Variants in MEGF11 observed in about 807,000 individuals in gnomAD.
The protein encoded by MEGF11 is multiple epidermal growth factor-like domains protein 11.
In MEGF11, 126 loss-of-function variants were observed where a neutral mutation model predicts 146.6. That is an observed-to-expected ratio of 0.86 (90% CI 0.74 to 1.00). The LOEUF (loss-of-function observed/expected upper bound fraction) is 1.00. Among genes scored for constraint, MEGF11 ranks in the 50% least tolerant of loss-of-function variants. MEGF11 has a pLI of 0.00. For synonymous variants in MEGF11, 532 were observed against 583.4 expected, an observed-to-expected ratio of 0.91 and a Z score of 1.27; for missense variants, 1,509 against 1,521.2, an observed-to-expected ratio of 0.99 and a Z score of 0.13.
chr15:65,918,696 C>T (rs1280628052), intron 15 of MEGF11, among the ~76,000 whole-genome samples: 1 of 152,252 alleles, frequency 6.6e-6, no homozygotes, highest in East Asian at 1.9e-4. Flanking sequence ...AGGCCCTCTC[C>T]ACCACTGGTA....
At chr15:66,192,172 G>A (rs1028605121) in intron 1 of MEGF11, among the ~76,000 whole-genome samples, 3 of 151,406 alleles carry the variant, frequency 2.0e-5, no homozygotes, top group Non-Finnish European at 4.4e-5. Flanking sequence ...GCATTATGCT[G>A]AAATCGTCAT....
At chr15:65,904,658 C>G (rs537045773) in intron 24 of MEGF11, among the ~76,000 whole-genome samples, 12 of 152,236 alleles carry the variant, frequency 7.9e-5, no homozygotes, top group African/African-American at 2.6e-4. Flanking sequence ...AAGACTAGAA[C>G]GGTAATCAGG....
intron 24 of MEGF11, among the ~76,000 whole-genome samples, chr15:65,903,660 G>A (rs556900505): frequency 6.6e-6 from 1 of 152,352 alleles, no homozygotes; most frequent in South Asian, 2.1e-4. Flanking sequence ...ACTGAGTTCA[G>A]AGAACACTGA....
At chr15:66,001,442 A>T (rs2552177) in intron 5 of MEGF11, among the ~76,000 whole-genome samples, 91,753 of 151,926 alleles carry the variant, frequency 0.6, 29,094 homozygotes, top group Non-Finnish European at 0.71. Context: ...CGGGTAGAGG[A>T]TGCTGTCACA....
Position 65,984,525 on chromosome 15 carries a change from C to CAAAAAAAAAA in MEGF11, c.395-2047_395-2038dup. ...TGGGCGATAGAGCAAGACTCCGTGT[C>CAAAAAAAAAA]AAAAAAAAAAAAAAAAAAAAAAAAA... is the stretch of plus-strand genomic sequence containing the variant. On this transcript the variant is annotated intron_variant, in intron 5 of 25. Transcript: ENST00000395614. Among the ~76,000 whole-genome samples, 2 of 49,518 alleles carry CAAAAAAAAAA rather than the reference C, an allele frequency of 4.0e-5. 1 individual carries two copies. The highest frequency in any genetic ancestry group is 6.6e-5 in the Non-Finnish European group (2 of 30,394). The allele number at this position is 49,518 out of a possible 152,430, so 32.5% of individuals were successfully genotyped here.
At chr15:66,082,170 A>G (rs541351726) in intron 5 of MEGF11, among the ~76,000 whole-genome samples, 2 of 152,190 alleles carry the variant, frequency 1.3e-5, no homozygotes, top group African/African-American at 4.8e-5. Flanking sequence ...CTGGGTTCTG[A>G]TCCCAGATCT....
chr15:65,970,819 G>T lies in MEGF11; in HGVS notation c.763-130C>A, dbSNP rs574763846. 258 of 1,048,862 alleles carry T rather than the reference G, an allele frequency of 2.5e-4. No individual in the cohort carries two copies. In the South Asian group the frequency reaches 3.8e-3, roughly 16 times the overall value. The allele number at this position is 1,048,862 out of a possible 1,614,324, so 65.0% of individuals were successfully genotyped here. A position where few individuals can be genotyped will look rare whatever the true frequency, so the allele number is the denominator to read the frequency against. On this transcript the variant is annotated intron_variant, in intron 7 of 25. Transcript: ENST00000395614. Reference sequence around the variant, plus strand: ...AAGAAGTTCAGACAGCTGGACACCAGGGCTCCAAAGCCCTCCTCTTAGAGA... The same window carrying T: ...AAGAAGTTCAGACAGCTGGACACCATGGCTCCAAAGCCCTCCTCTTAGAGA...
At chr15:66,145,939 A>T (rs1331053811) in intron 1 of MEGF11, among the ~76,000 whole-genome samples, 3 of 152,154 alleles carry the variant, frequency 2.0e-5, no homozygotes, top group Non-Finnish European at 1.5e-5. Flanking sequence ...AAACTCACCA[A>T]AGGTAGCTGC....
chr15:66,154,653 C>T lies in MEGF11; in HGVS notation c.-8-26242G>A, dbSNP rs556271525. Among the ~76,000 whole-genome samples the T allele has an allele frequency of 2.0e-4, 30 of 152,372 alleles. No homozygotes were observed. In the South Asian group the frequency reaches 5.6e-3, roughly 28 times the overall value. ...TGGAGGGACGTGCAAGACAGAGACA[C>T]TTCTAAAATGCCGTCTGTCTGTTGG... is the stretch of plus-strand genomic sequence containing the variant. On this transcript the variant is annotated intron_variant, in intron 1 of 25. Coordinates refer to ENST00000395614, the MANE Select transcript of MEGF11 (RefSeq NM_001385028.1).
intron 5 of MEGF11, among the ~76,000 whole-genome samples, chr15:66,077,729 T>C (rs1374906459): frequency 2.0e-5 from 3 of 152,148 alleles, no homozygotes; most frequent in African/African-American, 7.2e-5. Context: ...AAACCAAAAC[T>C]GCCCAGGGTG....
At chr15:65,939,537 C>T (rs2079907628) in intron 10 of MEGF11, among the ~76,000 whole-genome samples, 1 of 150,852 alleles carries the variant, frequency 6.6e-6, no homozygotes, top group Admixed American at 6.6e-5. Context: ...CTCTGTCGCC[C>T]AGGCTGGAGT....
At chr15:65,898,651 G>C in intron 25 of MEGF11, 77 bp downstream of exon 25, 1 of 1,588,980 alleles carries the variant, frequency 6.3e-7, no homozygotes, top group Non-Finnish European at 8.6e-7. Flanking sequence ...GGTGGGGTGA[G>C]TGGAGAGGGC....
intron 1 of MEGF11, among the ~76,000 whole-genome samples, chr15:66,246,297 C>T (rs1260586406): frequency 4.6e-5 from 7 of 151,978 alleles, no homozygotes; most frequent in Middle Eastern, 6.8e-3. Context: ...AAAAGCAAGT[C>T]GATGCTTGAG....
At chr15:65,966,903 C>T (rs2081120002) in intron 8 of MEGF11, among the ~76,000 whole-genome samples, 1 of 151,792 alleles carries the variant, frequency 6.6e-6, no homozygotes, top group African/African-American at 2.4e-5. Context: ...CTTATTGTCA[C>T]AGCAACTAGA....
intron 1 of MEGF11, among the ~76,000 whole-genome samples, chr15:66,190,728 AC>A (rs984568662): frequency 1.3e-5 from 2 of 151,182 alleles, no homozygotes; most frequent in Admixed American, 1.3e-4. Flanking sequence ...GCCTCCATTC[AC>A]CCCCCACAGC....
chr15:66,023,147 A>AAAC lies in MEGF11; in HGVS notation c.395-40660_395-40659insGTT, dbSNP rs772575833. Among the ~76,000 whole-genome samples, 101 of 149,976 alleles carry AAAC rather than the reference A, an allele frequency of 6.7e-4. 1 individual carries two copies. Among genetic ancestry groups the AAAC allele is most frequent in the African/African-American group, 2.3e-3 (92 of 40,024 alleles). The stretch of plus-strand genomic sequence containing the variant: ...CAAAGTGAGACTCCATCTCAAAAAA[A>AAAC]AAAAAAAACAAACTTGTTTGAAGCT... On this transcript the variant is annotated intron_variant, in intron 5 of 25. Coordinates refer to ENST00000395614, the MANE Select transcript of MEGF11 (RefSeq NM_001385028.1).
At chr15:66,169,209 C>A (rs921619175) in intron 1 of MEGF11, among the ~76,000 whole-genome samples, 7 of 152,230 alleles carry the variant, frequency 4.6e-5, no homozygotes, top group Non-Finnish European at 8.8e-5. Flanking sequence ...CCTGACGCAG[C>A]CACTCAATAC....
At chr15:66,096,435 C>T (rs986118929) in intron 4 of MEGF11, among the ~76,000 whole-genome samples, 1 of 152,252 alleles carries the variant, frequency 6.6e-6, no homozygotes, top group African/African-American at 2.4e-5. Flanking sequence ...CAGTGTGTGG[C>T]CTCTCAGACA....
At chr15:65,955,823 A>ATATAAATATATATAT (rs1555455891) in intron 10 of MEGF11, among the ~76,000 whole-genome samples, 7,180 of 40,148 alleles carry the variant, frequency 0.18, 1,462 homozygotes, top group East Asian at 0.75. Flanking sequence ...CAATACTTTA[A>ATATAAATATATATAT]ATATATAACA....
Sources: allele counts gnomAD v4.1 joint callset (sites outside exome capture counted in the v4.1 genomes callset), GRCh38; gene constraint gnomAD v4.1.1; transcripts MANE v1.5; gene names NCBI Gene and HGNC (gene_info 2026-07-23, HGNC 2026-07-21).